The following MAN2A1 variants were observed in gnomAD, a reference collection of about 807,000 sequenced individuals.
MAN2A1 encodes alpha-mannosidase 2.
MAN2A1 carries 76 observed loss-of-function variants against 142.6 expected under a neutral mutation model. That is an observed-to-expected ratio of 0.53 (90% CI 0.44 to 0.65). The LOEUF is 0.65. Among genes scored for constraint, MAN2A1 ranks in the 30% least tolerant of loss-of-function variants. The probability of loss-of-function intolerance (pLI) is 0.00; values close to 1 mark genes in which losing one functional copy is unlikely to be tolerated. For synonymous variants in MAN2A1, 559 were observed against 473.2 expected, an observed-to-expected ratio of 1.18 and a Z score of -2.35; for missense variants, 1,311 against 1,365.1, an observed-to-expected ratio of 0.96 and a Z score of 0.62.
chr5:109,788,226 A>G (rs1375223315), intron 10 of MAN2A1, among the ~76,000 whole-genome samples: 1 of 151,376 alleles, frequency 6.6e-6, no homozygotes, highest in Non-Finnish European at 1.5e-5. Context: ...TAGGAAAAAA[A>G]AAAAAAAATC....
At chr5:109,824,126 C>G (rs1317820832) in intron 16 of MAN2A1, among the ~76,000 whole-genome samples, 2 of 152,096 alleles carry the variant, frequency 1.3e-5, no homozygotes, top group Admixed American at 1.3e-4. Context: ...GAAAACAATA[C>G]AGTGTTTTGA....
rs576763151 is a variant in MAN2A1, at chr5:109,720,077, A to G, written c.535+3813A>G. ...ACACAATTACAGCACCTCTGTATCT[A>G]TAATCTTAATTCTTTGCTTCCCACT... On this transcript the variant is annotated intron_variant, in intron 3 of 21. Coordinates refer to ENST00000261483, the MANE Select transcript of MAN2A1 (RefSeq NM_002372.4). Among the ~76,000 whole-genome samples the G allele has an allele frequency of 3.5e-4, 54 of 152,318 alleles. No individual in the cohort carries two copies. In the South Asian group the frequency reaches 0.01, roughly 29 times the overall value.
intron 4 of MAN2A1, among the ~76,000 whole-genome samples, chr5:109,752,264 A>C (rs1752567182): frequency 6.6e-6 from 1 of 152,192 alleles, no homozygotes; most frequent in South Asian, 2.1e-4. Context: ...AGATAATTGA[A>C]ACTTCATTCT....
At chr5:109,759,859 A>C (rs763641645) in intron 5 of MAN2A1, among the ~76,000 whole-genome samples, 2 of 151,848 alleles carry the variant, frequency 1.3e-5, no homozygotes, top group Non-Finnish European at 2.9e-5. Flanking sequence ...AATGATGCTG[A>C]GTATGTTTTG....
Position 109,690,357 on chromosome 5 carries a change from C to G in MAN2A1, c.-61C>G. ...GCCTCCGGCGGCTGCTTCCTAGAGT[C>G]CACAGTGCGCTGTCTCCTTTGGCTG... is the stretch of plus-strand genomic sequence containing the variant. On this transcript the variant is annotated 5_prime_UTR_variant, in exon 1 of 22. Coordinates refer to ENST00000261483, the MANE Select transcript of MAN2A1 (RefSeq NM_002372.4). The G allele has an allele frequency of 1.3e-6, 2 of 1,595,536 alleles. No homozygotes were observed. Among genetic ancestry groups the G allele is most frequent in the Non-Finnish European group, 1.7e-6 (2 of 1,163,478 alleles).
intron 1 of MAN2A1, 117 bp from the exon 2 acceptor site, chr5:109,713,403 G>GT: frequency 1.3e-6 from 1 of 756,880 alleles, no homozygotes. Context: ...AAAGTGGAAA[G>GT]TGAAGGGTGA....
At chr5:109,783,173 T>A (rs1023732763) in intron 9 of MAN2A1, among the ~76,000 whole-genome samples, 1 of 152,164 alleles carries the variant, frequency 6.6e-6, no homozygotes, top group African/African-American at 2.4e-5. Context: ...ATTGAACATA[T>A]TCAAGGCATT....
chr5:109,784,687 T>C, intron 9 of MAN2A1, 57 bp from the exon 10 acceptor site: 1 of 1,361,566 alleles, frequency 7.3e-7, no homozygotes, highest in African/African-American at 1.5e-5. Context: ...TCACAAGTTT[T>C]AGATTATAAG....
chr5:109,721,048 G>T (rs1301355773), intron 3 of MAN2A1, among the ~76,000 whole-genome samples: 1 of 152,096 alleles, frequency 6.6e-6, no homozygotes, highest in Non-Finnish European at 1.5e-5. Flanking sequence ...CAGGGGAGTT[G>T]CAGGTCTTTG....
intron 2 of MAN2A1, among the ~76,000 whole-genome samples, 160 bp downstream of exon 2, chr5:109,713,934 T>C (rs1049524857): frequency 6.6e-6 from 1 of 152,198 alleles, no homozygotes; most frequent in African/African-American, 2.4e-5. Context: ...AACATTAATG[T>C]TCTGTTTAGT....
At chr5:109,821,162 T>G (rs1271733310) in intron 15 of MAN2A1, among the ~76,000 whole-genome samples, 1 of 152,218 alleles carries the variant, frequency 6.6e-6, no homozygotes, top group African/African-American at 2.4e-5. Context: ...TGGATGTATT[T>G]CTTATTGTCT....
chr5:109,723,508 A>C (rs1751661692), intron 3 of MAN2A1, among the ~76,000 whole-genome samples: 1 of 151,990 alleles, frequency 6.6e-6, no homozygotes, highest in Non-Finnish European at 1.5e-5. Flanking sequence ...TGTTTATTTC[A>C]ACTGCAGTCC....
chr5:109,849,277 A>G (rs1333758827), intron 19 of MAN2A1, among the ~76,000 whole-genome samples: 1 of 152,190 alleles, frequency 6.6e-6, no homozygotes, highest in Non-Finnish European at 1.5e-5. Context: ...GGTAGAAGCC[A>G]CTAATACATA....
chr5:109,866,775 C>A, intron 21 of MAN2A1, 71 bp from the exon 22 acceptor site: 2 of 988,228 alleles, frequency 2.0e-6, no homozygotes, highest in Non-Finnish European at 3.0e-6. Flanking sequence ...CTAATTTTCA[C>A]AGAATATGTA....
chr5:109,702,562 G>A (rs966519982), intron 1 of MAN2A1, among the ~76,000 whole-genome samples: 5 of 152,062 alleles, frequency 3.3e-5, no homozygotes, highest in Non-Finnish European at 7.4e-5. Context: ...CCCATGAACT[G>A]GAGAAGTAAA....
At chr5:109,737,882 G>A (rs984834715) in intron 4 of MAN2A1, among the ~76,000 whole-genome samples, 4 of 152,188 alleles carry the variant, frequency 2.6e-5, no homozygotes, top group Non-Finnish European at 5.9e-5. Context: ...TTATTACTGA[G>A]AAGTGATGGC....
At chr5:109,731,289 CCAAT>C (rs1270581730) in intron 4 of MAN2A1, among the ~76,000 whole-genome samples, 4 of 150,766 alleles carry the variant, frequency 2.7e-5, no homozygotes, top group Admixed American at 1.3e-4. Flanking sequence ...AAGCAATTGA[CCAAT>C]CAATTTTAAT....
intron 7 of MAN2A1, among the ~76,000 whole-genome samples, chr5:109,773,336 A>G (rs552513260): frequency 1.8e-4 from 28 of 152,276 alleles, no homozygotes; most frequent in Admixed American, 1.6e-3. Context: ...TGTGCTTTAC[A>G]CATATGTATA....
chr5:109,734,592 A>G (rs1450473897), intron 4 of MAN2A1, among the ~76,000 whole-genome samples: 2 of 152,136 alleles, frequency 1.3e-5, no homozygotes, highest in East Asian at 1.9e-4. Flanking sequence ...ATTGGTTTCA[A>G]AGAACATCTT....
Sources: allele counts gnomAD v4.1 joint callset (sites outside exome capture counted in the v4.1 genomes callset), GRCh38; gene constraint gnomAD v4.1.1; transcripts MANE v1.5; gene names NCBI Gene and HGNC (gene_info 2026-07-23, HGNC 2026-07-21).